XRCC1: variants seen among roughly 807,000 people sequenced by gnomAD.
XRCC1 encodes the protein X-ray repair cross complementing 1, also known as DNA repair protein XRCC1.
Under a neutral mutation model 83.3 loss-of-function variants are expected in XRCC1, and 52 were observed. The observed-to-expected ratio is 0.62, with a 90% CI of 0.50 to 0.79. The LOEUF (loss-of-function observed/expected upper bound fraction) is 0.79. XRCC1 is among the 30% of genes least tolerant of loss of function. XRCC1 has a pLI of 0.00. For missense variants in XRCC1, 793 were observed against 823.5 expected (o/e 0.96, Z 0.45); for synonymous variants, 281 against 312.6 (o/e 0.90, Z 1.07).
chr19:43,546,427 C>G (rs2020963), intron 12 of XRCC1, among the ~76,000 whole-genome samples, 168 bp downstream of exon 12: 2 of 150,922 alleles, frequency 1.3e-5, no homozygotes, highest in Non-Finnish European at 3.0e-5. Flanking sequence ...AGGCCCCCAG[C>G]CCCTCATCCC....
At chr19:43,565,413 C>T (rs776211292) in intron 2 of XRCC1, among the ~76,000 whole-genome samples, 14 of 152,210 alleles carry the variant, frequency 9.2e-5, no homozygotes, top group Admixed American at 5.9e-4. Context: ...CAGAGTACTT[C>T]GGACGCAACT....
chr19:43,557,261 A>G (rs1222944295), intron 3 of XRCC1, among the ~76,000 whole-genome samples: 2 of 146,534 alleles, frequency 1.4e-5, no homozygotes, highest in Admixed American at 1.4e-4. Context: ...GTGAGCCAAG[A>G]TTGCGCCACT....
intron 2 of XRCC1, among the ~76,000 whole-genome samples, chr19:43,561,585 A>G (rs1295069446): frequency 6.6e-6 from 1 of 152,376 alleles, no homozygotes; most frequent in East Asian, 1.9e-4. Flanking sequence ...GATCATGCAC[A>G]TAAATAATGG....
chr19:43,570,528 A>T (rs1972797168), intron 2 of XRCC1, among the ~76,000 whole-genome samples: 2 of 152,232 alleles, frequency 1.3e-5, no homozygotes. Context: ...TCATGCCTGT[A>T]ATGCCAGCAC....
Position 43,553,530 on chromosome 19 carries a change from C to T in XRCC1, c.490-18G>A, listed in dbSNP as rs2146052797. 1 of 1,613,960 alleles carries T rather than the reference C, an allele frequency of 6.2e-7. No individual in the cohort carries two copies. On this transcript the variant is annotated intron_variant, in intron 5 of 16. Coordinates refer to ENST00000262887, the MANE Select transcript of XRCC1 (RefSeq NM_006297.3). ...GTCACCTTCTAAGGTCCCGCAAGGT[C>T]AGTATTATAGGTGGGCTGCTGGCAG...
intron 2 of XRCC1, among the ~76,000 whole-genome samples, chr19:43,573,647 AG>A (rs1477738412): frequency 6.6e-6 from 1 of 152,068 alleles, no homozygotes. Flanking sequence ...CTGAAGCAGG[AG>A]GAACGCTTGA....
At chr19:43,551,762 G>A (rs935284344) in intron 9 of XRCC1, 75 bp from the exon 10 acceptor site, 1 of 1,183,856 alleles carries the variant, frequency 8.4e-7, no homozygotes, top group Non-Finnish European at 1.3e-6. Flanking sequence ...AGGGGAGACA[G>A]ACAGAGAGAG....
At chr19:43,544,734 C>T (rs1216731868) in intron 14 of XRCC1, among the ~76,000 whole-genome samples, 1 of 152,170 alleles carries the variant, frequency 6.6e-6, no homozygotes, top group Non-Finnish European at 1.5e-5. Flanking sequence ...GTCTCAAACT[C>T]TTGGGCTCAA....
At chr19:43,559,300 A>G (rs551665609) in intron 3 of XRCC1, among the ~76,000 whole-genome samples, 63 of 151,574 alleles carry the variant, frequency 4.2e-4, no homozygotes, top group Admixed American at 8.6e-4. Flanking sequence ...TGGCTAACAC[A>G]GTGAAACCCT....
chr19:43,552,230 C>G lies in XRCC1; in HGVS notation c.869G>C (p.Arg290Pro), dbSNP rs757238066. ...RTPATAPVPARAQGAVTGKPR... is the reference protein window; with the variant it reads ...RTPATAPVPAPAQGAVTGKPR... Reference sequence around the variant, plus strand: ...TTTGCCTGTCACTGCCCCCTGTGCTCGGGCAGGGACTGGGGCTGTGGCTGG... The same window carrying G: ...TTTGCCTGTCACTGCCCCCTGTGCTGGGGCAGGGACTGGGGCTGTGGCTGG... The change falls in exon 9 of 17, where the codon CGA becomes CCA. Residue 290 changes from arginine to proline, a missense_variant. By Grantham distance (103) the Arg-to-Pro change is moderately radical. Transcript: ENST00000262887. The G allele has an allele frequency of 8.7e-6, 14 of 1,612,902 alleles. No individual in the cohort carries two copies. The highest frequency in any genetic ancestry group is 1.2e-5 in the Non-Finnish European group (14 of 1,179,694).
At chr19:43,556,736 C>T (rs939905932) in intron 3 of XRCC1, among the ~76,000 whole-genome samples, 8 of 151,302 alleles carry the variant, frequency 5.3e-5, no homozygotes, top group Non-Finnish European at 2.9e-5. Context: ...ACCCAGGAGG[C>T]GGAGGTTGCA....
chr19:43,552,679 A>T (rs1486986969), intron 8 of XRCC1, 118 bp downstream of exon 8: 32 of 1,004,888 alleles, frequency 3.2e-5, no homozygotes, highest in Non-Finnish European at 3.6e-5. Context: ...CCTCAGACCC[A>T]GGGGTCCAGG....
intron 2 of XRCC1, among the ~76,000 whole-genome samples, chr19:43,568,728 G>C (rs3213282): frequency 0.57 from 86,228 of 151,232 alleles, 24,871 homozygotes; most frequent in East Asian, 0.78. Context: ...GGTTGCATCA[G>C]GAGAGAAGAA....
rs1392323667 is a variant in XRCC1, at chr19:43,548,065, C to T, written c.1200-1088G>A. Among the ~76,000 whole-genome samples the T allele has an allele frequency of 2.8e-4, 5 of 17,672 alleles. No homozygotes were observed. The South Asian group carries it at 9.3e-3, about 33-fold the overall frequency. The allele number at this position is 17,672 out of a possible 152,430, so 11.6% of individuals were successfully genotyped here. A position where few individuals can be genotyped will look rare whatever the true frequency, so the allele number is the denominator to read the frequency against. ...GGAGGTGGGGGGCCAGCCGCCCCGT[C>T]GGGGGGGAGGTGGGGGGCCAGCCGC... On this transcript the variant is annotated intron_variant, in intron 10 of 16. Coordinates refer to ENST00000262887, the MANE Select transcript of XRCC1 (RefSeq NM_006297.3).
chr19:43,549,617 T>C (rs1391557575), intron 10 of XRCC1, among the ~76,000 whole-genome samples: 1 of 152,062 alleles, frequency 6.6e-6, no homozygotes, highest in Non-Finnish European at 1.5e-5. Context: ...AGTGCAGCGG[T>C]GCAATCATGG....
chr19:43,545,787 C>T, intron 14 of XRCC1, 31 bp downstream of exon 14: 1 of 1,609,718 alleles, frequency 6.2e-7, no homozygotes, highest in Admixed American at 1.7e-5. Flanking sequence ...AGAGAAAATG[C>T]CACTTCAGGA....
At chr19:43,568,237 C>T (rs1484427311) in intron 2 of XRCC1, among the ~76,000 whole-genome samples, 1 of 151,860 alleles carries the variant, frequency 6.6e-6, no homozygotes, top group African/African-American at 2.4e-5. Flanking sequence ...TGGCTGACGC[C>T]TGTAATCCCA....
rs576064623 is a variant in XRCC1 at position 43,545,067 on chromosome 19, T to C, written c.1621+751A>G. 6.0e-4 allele frequency among the ~76,000 whole-genome samples: 91 copies of C among 152,308 alleles called. 2 individuals carry two copies. The highest frequency in any genetic ancestry group is 2.1e-3 in the African/African-American group (86 of 41,566). On this transcript the variant is annotated intron_variant, in intron 14 of 16. Transcript: ENST00000262887. ...TGTTCTGACCTTTGGGGTGGCTCCT[T>C]CTTTCCATTTTAAGGTGACTCTCTA...
At chr19:43,561,431 C>T (rs1486420955) in intron 2 of XRCC1, among the ~76,000 whole-genome samples, 2 of 152,218 alleles carry the variant, frequency 1.3e-5, no homozygotes, top group African/African-American at 4.8e-5. Context: ...TCCCTGAGGG[C>T]AGGGGCTTTG....
Sources: allele counts gnomAD v4.1 joint callset (sites outside exome capture counted in the v4.1 genomes callset), GRCh38; gene constraint gnomAD v4.1.1; transcripts MANE v1.5; gene names NCBI Gene and HGNC (gene_info 2026-07-23, HGNC 2026-07-21).